The following BRD10 variants were observed in gnomAD, a reference collection of about 807,000 sequenced individuals.
The protein encoded by BRD10 is bromodomain containing 10.
chr9:5,986,802 G>C, the BRD10 span, among the ~76,000 whole-genome samples: 5 of 152,284 alleles, frequency 3.3e-5, no homozygotes, highest in African/African-American at 1.2e-4. Context: ...GGCACACATA[G>C]ATTGATTCAT....
chr9:5,965,060 AAAAAAAAAAAAAAG>A, the BRD10 span, among the ~76,000 whole-genome samples: 1 of 149,874 alleles, frequency 6.7e-6, no homozygotes, highest in Non-Finnish European at 1.5e-5. Flanking sequence ...GTATAATAAA[AAAAAAAAAAAAAAG>A]AAAAAAAAAT....
the BRD10 span, among the ~76,000 whole-genome samples, chr9:5,938,867 T>G: frequency 6.6e-6 from 1 of 152,184 alleles, no homozygotes; most frequent in African/African-American, 2.4e-5. Context: ...TAAAACTAAT[T>G]TTAAGAATAA....
At chr9:5,942,193 G>A in the BRD10 span, among the ~76,000 whole-genome samples, 11 of 152,090 alleles carry the variant, frequency 7.2e-5, no homozygotes, top group South Asian at 2.3e-3. Context: ...AGTGAAGGAA[G>A]GCTTCCTATA....
At chr9:5,951,057 C>T in the BRD10 span, among the ~76,000 whole-genome samples, 1 of 150,782 alleles carries the variant, frequency 6.6e-6, no homozygotes. Context: ...CACACACACA[C>T]ACACACACAC....
At chr9:5,985,988 G>A in the BRD10 span, among the ~76,000 whole-genome samples, 1 of 151,990 alleles carries the variant, frequency 6.6e-6, no homozygotes, top group Non-Finnish European at 1.5e-5. Flanking sequence ...TTATTTTAAG[G>A]TCCAGGATAC....
the BRD10 span, among the ~76,000 whole-genome samples, chr9:5,928,872 G>A: frequency 7.0e-4 from 106 of 152,126 alleles, 1 homozygote; most frequent in Non-Finnish European, 1.3e-3. Flanking sequence ...ACTTTGTTTA[G>A]TCAACAATAT....
At chr9:6,005,972 G>A in the BRD10 span, among the ~76,000 whole-genome samples, 7 of 152,144 alleles carry the variant, frequency 4.6e-5, no homozygotes, top group African/African-American at 1.2e-4. Flanking sequence ...AAAAATCACC[G>A]TTAGTCTTGA....
At chr9:5,988,418 T>C in the BRD10 span, 2 of 1,613,974 alleles carry the variant, frequency 1.2e-6, no homozygotes, top group East Asian at 2.2e-5. Context: ...AAAACTCCAC[T>C]TGTCAAGCCT....
At chr9:5,983,244 G>A in the BRD10 span, among the ~76,000 whole-genome samples, 4 of 152,298 alleles carry the variant, frequency 2.6e-5, no homozygotes, top group African/African-American at 9.6e-5. Flanking sequence ...TTATGCTATT[G>A]TAGGGCTGAA....
the BRD10 span, among the ~76,000 whole-genome samples, chr9:5,966,552 C>T: frequency 1.4e-5 from 2 of 146,750 alleles, no homozygotes; most frequent in African/African-American, 2.5e-5. Context: ...CTCTGCCTCC[C>T]GGGTTGAAGC....
the BRD10 span, chr9:5,922,035 A>G: frequency 1.2e-6 from 2 of 1,614,048 alleles, no homozygotes; most frequent in Non-Finnish European, 1.7e-6. Flanking sequence ...GGCACCAGAA[A>G]TGCCTGCAGC....
the BRD10 span, among the ~76,000 whole-genome samples, chr9:5,946,592 A>G: frequency 6.6e-6 from 1 of 152,078 alleles, no homozygotes; most frequent in African/African-American, 2.4e-5. Context: ...ATAATCTACT[A>G]TTATGATGAC....
At chr9:6,007,287 C>T in the BRD10 span, 1 of 1,613,948 alleles carries the variant, frequency 6.2e-7, no homozygotes, top group Non-Finnish European at 8.5e-7. Flanking sequence ...GGCGGTAGCA[C>T]GTCTCCAGCA....
the BRD10 span, among the ~76,000 whole-genome samples, chr9:5,882,423 A>G: frequency 1.3e-5 from 2 of 152,226 alleles, no homozygotes; most frequent in Non-Finnish European, 2.9e-5. Flanking sequence ...CAGAATCAAA[A>G]TGGAGTCACT....
the BRD10 span, among the ~76,000 whole-genome samples, chr9:5,942,170 T>C: frequency 6.6e-6 from 1 of 152,204 alleles, no homozygotes; most frequent in South Asian, 2.1e-4. Context: ...TAATACTTCA[T>C]TTGTCTGACA....
the BRD10 span, among the ~76,000 whole-genome samples, chr9:5,889,079 T>C: frequency 1.3e-5 from 2 of 152,214 alleles, no homozygotes; most frequent in African/African-American, 2.4e-5. Flanking sequence ...TACATCTTTC[T>C]GAATCCCGGT....
the BRD10 span, among the ~76,000 whole-genome samples, chr9:5,966,711 G>A: frequency 4.6e-5 from 7 of 151,730 alleles, no homozygotes; most frequent in East Asian, 7.7e-4. Flanking sequence ...GCCCCCCTCG[G>A]CCTCCCAAAA....
the BRD10 span, among the ~76,000 whole-genome samples, chr9:5,939,933 T>TCA: frequency 6.6e-6 from 1 of 152,208 alleles, no homozygotes; most frequent in Admixed American, 6.5e-5. Context: ...AACCACTGGC[T>TCA]TATACAGAAC....
chr9:6,005,638 T>C, the BRD10 span, among the ~76,000 whole-genome samples: 3 of 152,244 alleles, frequency 2.0e-5, no homozygotes, highest in Non-Finnish European at 4.4e-5. Context: ...TTCCCACATC[T>C]GATAGATTAG....
Sources: allele counts gnomAD v4.1 joint callset (sites outside exome capture counted in the v4.1 genomes callset), GRCh38; gene constraint gnomAD v4.1.1; transcripts MANE v1.5; gene names NCBI Gene and HGNC (gene_info 2026-07-23, HGNC 2026-07-21).